HIP1: variants seen among roughly 807,000 people sequenced by gnomAD.
HIP1 encodes huntingtin-interacting protein 1.
Under a neutral mutation model 147.6 loss-of-function variants are expected in HIP1, and 65 were observed. The observed-to-expected ratio is 0.44, with a 90% CI of 0.36 to 0.54. The LOEUF (loss-of-function observed/expected upper bound fraction) is 0.54, where lower values mean the gene tolerates loss of function less well. Among genes scored for constraint, HIP1 ranks in the 20% least tolerant of loss-of-function variants. The pLI is 0.00. For synonymous variants in HIP1, 479 were observed against 504.0 expected, an observed-to-expected ratio of 0.95 and a Z score of 0.67; for missense variants, 1,061 against 1,299.6, an observed-to-expected ratio of 0.82 and a Z score of 2.82.
intron 1 of HIP1, among the ~76,000 whole-genome samples, chr7:75,639,532 G>A (rs1212590824): frequency 2.0e-5 from 3 of 151,690 alleles, no homozygotes; most frequent in Non-Finnish European, 4.4e-5. Flanking sequence ...CGCCGATCCC[G>A]GAGCGAGAGG....
intron 1 of HIP1, among the ~76,000 whole-genome samples, chr7:75,677,558 T>C (rs553667359): frequency 1.5e-5 from 2 of 132,820 alleles, no homozygotes; most frequent in African/African-American, 5.9e-5. Flanking sequence ...TGAGCCGAGA[T>C]CGCGCCACTG....
intron 30 of HIP1, among the ~76,000 whole-genome samples, 165 bp downstream of exon 30, chr7:75,539,158 G>A (rs1323152238): frequency 1.3e-5 from 2 of 152,152 alleles, no homozygotes; most frequent in Non-Finnish European, 2.9e-5. Context: ...TAGGCTTAAA[G>A]GTTATTTACA....
chr7:75,719,210 T>A (rs947045508), intron 1 of HIP1, among the ~76,000 whole-genome samples: 7 of 151,924 alleles, frequency 4.6e-5, no homozygotes, highest in Admixed American at 3.3e-4. Context: ...TAAGTACTAG[T>A]AAGAGAAGAC....
chr7:75,644,930 C>G (rs1486138001), intron 1 of HIP1, among the ~76,000 whole-genome samples: 1 of 152,220 alleles, frequency 6.6e-6, no homozygotes, highest in Non-Finnish European at 1.5e-5. Flanking sequence ...AATCCAGGAA[C>G]CTTCACTTTG....
intron 6 of HIP1, 129 bp from the exon 7 acceptor site, chr7:75,581,427 C>A: frequency 1.5e-6 from 1 of 679,112 alleles, no homozygotes. Context: ...ACACACAACT[C>A]CAGCTCCAAG....
chr7:75,636,513 G>A (rs184869343), intron 1 of HIP1, among the ~76,000 whole-genome samples: 118 of 152,352 alleles, frequency 7.7e-4, no homozygotes, highest in Non-Finnish European at 1.2e-3. Context: ...CCCCCAGAGC[G>A]AGGACTTCAA....
At chr7:75,660,962 A>G (rs930595313) in intron 1 of HIP1, among the ~76,000 whole-genome samples, 2 of 152,104 alleles carry the variant, frequency 1.3e-5, no homozygotes, top group Non-Finnish European at 2.9e-5. Flanking sequence ...AAGAGCAGTC[A>G]CTGCAGGCAG....
rs1319246319 is a variant in HIP1 at position 75,537,040 on chromosome 7, T to C, written c.*1132A>G. 1 of 232,356 alleles carries C rather than the reference T, an allele frequency of 4.3e-6. No individual in the cohort carries two copies. Among genetic ancestry groups the C allele is most frequent in the East Asian group, 6.1e-5 (1 of 16,506 alleles). The allele number at this position is 232,356 out of a possible 1,614,324, so 14.4% of individuals were successfully genotyped here. A position where few individuals can be genotyped will look rare whatever the true frequency, so the allele number is the denominator to read the frequency against. On this transcript the variant is annotated 3_prime_UTR_variant, in exon 31 of 31. Coordinates refer to ENST00000336926, the MANE Select transcript of HIP1 (RefSeq NM_005338.7). ...AAGGCAGACGTCTGCAGAAAGGAGT[T>C]GGGAATCACTCCCACACTCCGTCTC...
intron 25 of HIP1, among the ~76,000 whole-genome samples, chr7:75,546,192 A>T (rs1054304914): frequency 5.3e-5 from 8 of 149,948 alleles, no homozygotes; most frequent in African/African-American, 2.0e-4. Context: ...GAGACTACAC[A>T]GTGAATACAT....
At chr7:75,647,530 G>A (rs1194203383) in intron 1 of HIP1, among the ~76,000 whole-genome samples, 3 of 152,198 alleles carry the variant, frequency 2.0e-5, no homozygotes, top group African/African-American at 7.2e-5. Context: ...TTTCGCTGCT[G>A]CTAAGCCATC....
chr7:75,585,079 G>A (rs1796203574), intron 5 of HIP1, among the ~76,000 whole-genome samples: 1 of 151,792 alleles, frequency 6.6e-6, no homozygotes, highest in African/African-American at 2.4e-5. Context: ...CCAACTCCTG[G>A]CCTCAAGTGA....
intron 1 of HIP1, among the ~76,000 whole-genome samples, chr7:75,628,996 G>C (rs1289948124): frequency 2.0e-5 from 3 of 152,210 alleles, no homozygotes; most frequent in African/African-American, 7.2e-5. Flanking sequence ...GAGCTAGGGG[G>C]AGTAGGGAGG....
intron 1 of HIP1, among the ~76,000 whole-genome samples, chr7:75,613,209 C>T (rs977169779): frequency 1.1e-4 from 17 of 152,088 alleles, no homozygotes; most frequent in Non-Finnish European, 1.8e-4. Flanking sequence ...CAGCTGGGAC[C>T]TACCACCTGA....
At chr7:75,555,195 C>CGGGGGGGGGGGTGGGG (rs371043786) in intron 19 of HIP1, among the ~76,000 whole-genome samples, 1 of 23,602 alleles carries the variant, frequency 4.2e-5, no homozygotes, top group Non-Finnish European at 9.9e-5. Flanking sequence ...AGCGGGGGGG[C>CGGGGGGGGGGGTGGGG]GGGGGGGGGG....
chr7:75,601,241 C>T (rs1436748081), intron 1 of HIP1, among the ~76,000 whole-genome samples: 1 of 151,854 alleles, frequency 6.6e-6, no homozygotes, highest in Non-Finnish European at 1.5e-5. Flanking sequence ...ACCCACGGAT[C>T]AGCAAACTAC....
chr7:75,713,989 T>A (rs1584972214), intron 1 of HIP1, among the ~76,000 whole-genome samples: 1 of 143,922 alleles, frequency 6.9e-6, no homozygotes, highest in Non-Finnish European at 1.5e-5. Flanking sequence ...CATGAGCCAC[T>A]GTGCCCAGCC....
intron 1 of HIP1, among the ~76,000 whole-genome samples, chr7:75,646,482 G>GCCA (rs1554511129): frequency 1.3e-5 from 2 of 152,254 alleles, no homozygotes; most frequent in African/African-American, 4.8e-5. Flanking sequence ...AGGGGGCATG[G>GCCA]CCAGATATTC....
chr7:75,687,162 G>A (rs1236722058), intron 1 of HIP1, among the ~76,000 whole-genome samples: 3 of 152,252 alleles, frequency 2.0e-5, no homozygotes, highest in East Asian at 1.9e-4. Context: ...GAAAGGTAGT[G>A]GAACTTGGGT....
intron 1 of HIP1, among the ~76,000 whole-genome samples, chr7:75,731,349 GGC>G (rs1745378633): frequency 6.6e-6 from 1 of 151,766 alleles, no homozygotes; most frequent in African/African-American, 2.4e-5. Context: ...TGGGCATGGT[GGC>G]GCACGCCTAT....
Sources: gnomAD v4.1 joint callset for allele counts (sites outside exome capture counted in the v4.1 genomes callset) on GRCh38, gnomAD v4.1.1 for gene constraint, MANE v1.5 for transcripts, NCBI Gene and HGNC (gene_info 2026-07-23, HGNC 2026-07-21) for gene names.